Variants in PTPRD observed in about 807,000 individuals in gnomAD.
PTPRD encodes the protein protein tyrosine phosphatase receptor type D, also known as receptor-type tyrosine-protein phosphatase delta.
Under a neutral mutation model 214.5 loss-of-function variants are expected in PTPRD, and 34 were observed. The ratio of observed to expected loss-of-function variants is 0.16; its 90% CI spans 0.12 to 0.21. The LOEUF (loss-of-function observed/expected upper bound fraction) is 0.21, where lower values mean the gene tolerates loss of function less well. PTPRD is among the 10% of genes least tolerant of loss of function. The pLI is 1.00. For synonymous variants in PTPRD, 1,128 were observed against 845.7 expected (o/e 1.33, Z -5.79); for missense variants, 2,545 against 2,398.7 (o/e 1.06, Z -1.27).
chr9:8,317,982 C>G (rs534091225), intron 45 of PTPRD, 40 bp from the exon 46 acceptor site: 2 of 1,539,344 alleles, frequency 1.3e-6, no homozygotes, highest in Non-Finnish European at 1.8e-6. Context: ...AAAGAAGGGA[C>G]CATGAGCATA....
chr9:9,646,765 T>C (rs1302292579), intron 7 of PTPRD, among the ~76,000 whole-genome samples: 1 of 152,100 alleles, frequency 6.6e-6, no homozygotes, highest in African/African-American at 2.4e-5. Context: ...TACATGCATA[T>C]CTATAATAAA....
intron 5 of PTPRD, among the ~76,000 whole-genome samples, chr9:9,770,106 T>A (rs1021144924): frequency 5.3e-5 from 8 of 152,194 alleles, no homozygotes; most frequent in African/African-American, 1.9e-4. Context: ...TAATTTATAA[T>A]CCTTGGAGTA....
intron 4 of PTPRD, among the ~76,000 whole-genome samples, chr9:10,010,460 G>A (rs1226434372): frequency 6.6e-6 from 1 of 151,652 alleles, no homozygotes; most frequent in Non-Finnish European, 1.5e-5. Flanking sequence ...GGTGGAAAAT[G>A]AGGGAGGGGA....
intron 2 of PTPRD, among the ~76,000 whole-genome samples, chr9:10,364,155 A>C (rs989339090): frequency 2.6e-5 from 4 of 151,342 alleles, no homozygotes; most frequent in Non-Finnish European, 5.9e-5. Flanking sequence ...GCCCGCCACC[A>C]TGCCCGGATA....
At chr9:10,446,244 TA>T (rs2154524903) in intron 2 of PTPRD, among the ~76,000 whole-genome samples, 2 of 152,058 alleles carry the variant, frequency 1.3e-5, no homozygotes, top group African/African-American at 4.8e-5. Context: ...AATATGTTTT[TA>T]AAAATATGTT....
At chr9:9,887,218 GTTCAC>G (rs1293228060) in intron 5 of PTPRD, among the ~76,000 whole-genome samples, 1 of 151,882 alleles carries the variant, frequency 6.6e-6, no homozygotes, top group Non-Finnish European at 1.5e-5. Flanking sequence ...AGAATTGTTT[GTTCAC>G]TTCACCGTAT....
intron 5 of PTPRD, among the ~76,000 whole-genome samples, chr9:9,885,984 T>C (rs538318785): frequency 5.0e-5 from 7 of 138,852 alleles, no homozygotes; most frequent in African/African-American, 1.9e-4. Flanking sequence ...CCCCACATAT[T>C]AAAAAAAAAA....
intron 4 of PTPRD, among the ~76,000 whole-genome samples, chr9:9,970,313 G>A (rs904606484): frequency 6.6e-6 from 1 of 151,720 alleles, no homozygotes; most frequent in Non-Finnish European, 1.5e-5. Flanking sequence ...AGCCGGGCGT[G>A]GTGGCAGGCA....
intron 3 of PTPRD, among the ~76,000 whole-genome samples, chr9:10,270,583 TC>T (rs2094361770): frequency 6.6e-6 from 1 of 152,176 alleles, no homozygotes; most frequent in South Asian, 2.1e-4. Context: ...AAACCTGACT[TC>T]CATACCAGAT....
chr9:10,077,161 A>G (rs2098144390), intron 3 of PTPRD, among the ~76,000 whole-genome samples: 1 of 152,184 alleles, frequency 6.6e-6, no homozygotes, highest in African/African-American at 2.4e-5. Flanking sequence ...TGTAACAATT[A>G]TGTGAATGAA....
chr9:8,496,048 C>A (rs1163275420), intron 26 of PTPRD, among the ~76,000 whole-genome samples: 1 of 152,012 alleles, frequency 6.6e-6, no homozygotes, highest in African/African-American at 2.4e-5. Context: ...AACACGAAGC[C>A]TTCATTTATA....
At chr9:9,820,491 G>A (rs1044816468) in intron 5 of PTPRD, among the ~76,000 whole-genome samples, 3 of 151,942 alleles carry the variant, frequency 2.0e-5, no homozygotes, top group African/African-American at 7.3e-5. Flanking sequence ...AGTTTAATTA[G>A]GTTCCACTTG....
At chr9:9,102,360 T>C (rs538304324) in intron 10 of PTPRD, among the ~76,000 whole-genome samples, 3 of 152,314 alleles carry the variant, frequency 2.0e-5, no homozygotes, top group African/African-American at 7.2e-5. Context: ...GTAGGGGTGA[T>C]GATCTAAACA....
chr9:9,255,601 C>A (rs115952431), intron 9 of PTPRD, among the ~76,000 whole-genome samples: 7 of 151,972 alleles, frequency 4.6e-5, no homozygotes, highest in Non-Finnish European at 2.9e-5. Flanking sequence ...TGTTCACACT[C>A]CCTCTCAGCA....
At chr9:9,516,727 G>A (rs561968991) in intron 8 of PTPRD, among the ~76,000 whole-genome samples, 18 of 151,894 alleles carry the variant, frequency 1.2e-4, no homozygotes, top group African/African-American at 3.6e-4. Flanking sequence ...TAGTAAAGAC[G>A]GGGCTTCGCT....
chr9:9,578,125 C>G (rs2089598102), intron 7 of PTPRD, among the ~76,000 whole-genome samples: 1 of 148,202 alleles, frequency 6.7e-6, no homozygotes, highest in African/African-American at 2.5e-5. Context: ...AACAACCATT[C>G]AGAAAGCACT....
At chr9:8,971,254 C>T (rs2099236412) in intron 11 of PTPRD, among the ~76,000 whole-genome samples, 1 of 151,626 alleles carries the variant, frequency 6.6e-6, no homozygotes, top group Non-Finnish European at 1.5e-5. Context: ...TATGTCTTTA[C>T]TGAATATCAT....
intron 6 of PTPRD, among the ~76,000 whole-genome samples, chr9:9,746,419 G>T (rs1014330611): frequency 6.6e-6 from 1 of 152,254 alleles, no homozygotes; most frequent in South Asian, 2.1e-4. Flanking sequence ...GAACAAATCT[G>T]CAGATAGAGT....
intron 14 of PTPRD, among the ~76,000 whole-genome samples, chr9:8,626,821 C>A (rs377076684): frequency 1.3e-5 from 2 of 151,758 alleles, no homozygotes; most frequent in East Asian, 3.9e-4. Context: ...CTCTCCTGGG[C>A]CTCCAGCTGC....
Sources: gnomAD v4.1 joint callset for allele counts (sites outside exome capture counted in the v4.1 genomes callset) on GRCh38, gnomAD v4.1.1 for gene constraint, MANE v1.5 for transcripts, NCBI Gene and HGNC (gene_info 2026-07-23, HGNC 2026-07-21) for gene names.